Variants in RYR2 observed in about 807,000 individuals in gnomAD.
The protein encoded by RYR2 is cardiac muscle ryanodine receptor-calcium release channel.
In RYR2, 227 loss-of-function variants were observed where a neutral mutation model predicts 601.1. The observed-to-expected ratio is 0.38, with a 90% CI of 0.34 to 0.42. The LOEUF is 0.42. Among genes scored for constraint, RYR2 ranks in the 10% least tolerant of loss-of-function variants. The pLI is 1.00. For missense variants in RYR2, 4,646 were observed against 6,156.5 expected (o/e 0.75, Z 8.21); for synonymous variants, 2,223 against 2,175.1 (o/e 1.02, Z -0.61).
intron 1 of RYR2, among the ~76,000 whole-genome samples, chr1:237,082,454 T>C (rs1665816826): frequency 6.7e-6 from 1 of 148,848 alleles, no homozygotes; most frequent in African/African-American, 2.4e-5. Flanking sequence ...GCTGCTTTCA[T>C]GCACCTGATA....
intron 38 of RYR2, among the ~76,000 whole-genome samples, chr1:237,622,011 G>A (rs1226992812): frequency 1.3e-5 from 2 of 152,062 alleles, no homozygotes; most frequent in East Asian, 3.9e-4. Flanking sequence ...CTACAGTTTT[G>A]CAAAGTGTTA....
At chr1:237,182,395 C>T (rs1335739643) in intron 1 of RYR2, among the ~76,000 whole-genome samples, 1 of 152,054 alleles carries the variant, frequency 6.6e-6, no homozygotes, top group Non-Finnish European at 1.5e-5. Flanking sequence ...GCTGGGATTA[C>T]AGGCGTGAGC....
rs958631124 is a variant in RYR2, at chr1:237,830,153, T to TCA, written c.14656-376_14656-375dup. The TCA allele has an allele frequency of 4.0e-4, 71 of 176,176 alleles. No homozygotes were observed. In the Middle Eastern group the frequency reaches 0.013, roughly 32 times the overall value. 10.9% of individuals were successfully genotyped at this position (176,176 alleles called of 1,614,324 possible). ...TTGGGTGGGTACTAAGTTTGTAGTT[T>TCA]CAGTTGAAGACACAGTTAATCCTGC... is the stretch of plus-strand genomic sequence containing the variant. On this transcript the variant is annotated intron_variant, in intron 102 of 104. Coordinates refer to ENST00000366574, the MANE Select transcript of RYR2 (RefSeq NM_001035.3).
chr1:237,267,527 GA>G, intron 1 of RYR2: 2 of 216,428 alleles, frequency 9.2e-6, no homozygotes, highest in East Asian at 1.7e-4. Flanking sequence ...CTCAAGAAAA[GA>G]AAAAAGAGAA....
At chr1:237,244,625 C>T (rs932104232) in intron 1 of RYR2, among the ~76,000 whole-genome samples, 15 of 152,172 alleles carry the variant, frequency 9.9e-5, no homozygotes, top group Admixed American at 9.8e-4. Flanking sequence ...AAATCCAGCT[C>T]ATCCATCCCA....
At chr1:237,151,369 T>G (rs915885164) in intron 1 of RYR2, among the ~76,000 whole-genome samples, 1 of 152,180 alleles carries the variant, frequency 6.6e-6, no homozygotes, top group Admixed American at 6.5e-5. Flanking sequence ...GTTTTTGTGT[T>G]TTGACTAGAG....
At chr1:237,665,038 A>G (rs1220443963) in intron 56 of RYR2, among the ~76,000 whole-genome samples, 2 of 152,224 alleles carry the variant, frequency 1.3e-5, no homozygotes, top group Non-Finnish European at 2.9e-5. Context: ...GCACTTTGCT[A>G]AGGATTTTAC....
At chr1:237,161,546 T>A (rs925480826) in intron 1 of RYR2, among the ~76,000 whole-genome samples, 6 of 152,192 alleles carry the variant, frequency 3.9e-5, no homozygotes, top group Non-Finnish European at 7.4e-5. Context: ...TTATTAGACA[T>A]CTTTTTCATG....
At chr1:237,498,587 C>A (rs1158286623) in intron 20 of RYR2, among the ~76,000 whole-genome samples, 5 of 150,866 alleles carry the variant, frequency 3.3e-5, no homozygotes, top group African/African-American at 4.9e-5. Context: ...AAAAAAAAAA[C>A]ATTGATCGAC....
chr1:237,748,847 C>T (rs750873332), intron 80 of RYR2, among the ~76,000 whole-genome samples: 35 of 152,212 alleles, frequency 2.3e-4, no homozygotes, highest in Non-Finnish European at 3.5e-4. Flanking sequence ...GCTTCTGTAG[C>T]CAACAAGTAC....
At chr1:237,821,400 C>T (rs1196807329) in intron 101 of RYR2, among the ~76,000 whole-genome samples, 1 of 152,114 alleles carries the variant, frequency 6.6e-6, no homozygotes, top group African/African-American at 2.4e-5. Flanking sequence ...TGGAGTGGAC[C>T]TCCAGCAAAC....
chr1:237,742,470 G>C (rs1691701921), intron 80 of RYR2, 121 bp downstream of exon 80: 1 of 744,822 alleles, frequency 1.3e-6, no homozygotes, highest in Non-Finnish European at 2.3e-6. Context: ...TCAAGGAACT[G>C]CATGTCAGAG....
At chr1:237,551,374 CA>C (rs1386479759) in intron 27 of RYR2, among the ~76,000 whole-genome samples, 1 of 151,380 alleles carries the variant, frequency 6.6e-6, no homozygotes, top group Non-Finnish European at 1.5e-5. Context: ...CTAAAAAATA[CA>C]AAAAAATTAG....
rs1336202832 is a variant in RYR2 at position 237,690,867 on chromosome 1, C to T, written c.9067+3363C>T. Reference sequence around the variant, plus strand: ...CACAGTAAAGCCTTTATAATACACCCATTTCCAGAATGAATCAGAAGTGTT... The same window carrying T: ...CACAGTAAAGCCTTTATAATACACCTATTTCCAGAATGAATCAGAAGTGTT... On this transcript the variant is annotated intron_variant, in intron 63 of 104. Transcript: ENST00000366574. Among the ~76,000 whole-genome samples the T allele has an allele frequency of 2.6e-5, 4 of 152,154 alleles. No individual in the cohort carries two copies. In the East Asian group the frequency reaches 7.7e-4, roughly 29 times the overall value.
intron 80 of RYR2, among the ~76,000 whole-genome samples, chr1:237,744,398 G>A (rs1691885253): frequency 6.6e-6 from 1 of 150,654 alleles, no homozygotes; most frequent in African/African-American, 2.4e-5. Context: ...GCTTACGCTT[G>A]TAATCCCAGC....
chr1:237,117,756 T>C (rs569438619), intron 1 of RYR2, among the ~76,000 whole-genome samples: 115 of 139,152 alleles, frequency 8.3e-4, no homozygotes, highest in African/African-American at 3.0e-3. Context: ...TCTTCTCTTC[T>C]CTGTTCTGAG....
chr1:237,478,511 T>C (rs1661659050), intron 17 of RYR2, among the ~76,000 whole-genome samples: 1 of 152,222 alleles, frequency 6.6e-6, no homozygotes, highest in Admixed American at 6.5e-5. Flanking sequence ...ATTAATTTGA[T>C]TTATTAAAAG....
chr1:237,180,106 G>T lies in RYR2; in HGVS notation c.49-90391G>T, dbSNP rs1678535919. Reference sequence around the variant, plus strand: ...ATGTCCGTGTCGTCCTGTTGGTAAGGGCTGTTCAGGATCCTCAGTGATGAG... The same window carrying T: ...ATGTCCGTGTCGTCCTGTTGGTAAGTGCTGTTCAGGATCCTCAGTGATGAG... On this transcript the variant is annotated intron_variant, in intron 1 of 104. Coordinates refer to ENST00000366574, the MANE Select transcript of RYR2 (RefSeq NM_001035.3). This position sits in a 1 kb window ranked among gnomAD's most constrained non-coding sequence, Gnocchi z 5.3. 6.6e-6 allele frequency among the ~76,000 whole-genome samples: 1 copy of T among 151,960 alleles called. No individual in the cohort carries two copies. Among genetic ancestry groups the T allele is most frequent in the African/African-American group, 2.4e-5 (1 of 41,252 alleles).
chr1:237,756,765 G>A (rs950962307), intron 81 of RYR2, among the ~76,000 whole-genome samples: 2 of 152,176 alleles, frequency 1.3e-5, no homozygotes, highest in Non-Finnish European at 2.9e-5. Flanking sequence ...TGCCATGTTA[G>A]CAGGAAAGCT....
Sources: allele counts gnomAD v4.1 joint callset (sites outside exome capture counted in the v4.1 genomes callset), GRCh38; gene constraint gnomAD v4.1.1; non-coding constraint Gnocchi (gnomAD v3.1); transcripts MANE v1.5; gene names NCBI Gene and HGNC (gene_info 2026-07-23, HGNC 2026-07-21).